SNED1: variants seen among roughly 807,000 people sequenced by gnomAD.
SNED1 encodes sushi, nidogen and EGF like domains 1.
Under a neutral mutation model 166.7 loss-of-function variants are expected in SNED1, and 81 were observed. The ratio of observed to expected loss-of-function variants is 0.49; its 90% confidence interval spans 0.41 to 0.58. The LOEUF (loss-of-function observed/expected upper bound fraction) is 0.58, where lower values mean the gene tolerates loss of function less well. Among genes scored for constraint, SNED1 ranks in the 20% least tolerant of loss-of-function variants. The pLI is 0.00. For missense variants in SNED1, 1,604 were observed against 2,000.2 expected (o/e 0.80, Z 3.78); for synonymous variants, 762 against 822.0 (o/e 0.93, Z 1.25).
chr2:241,037,801 C>T (rs1005922699), intron 6 of SNED1, among the ~76,000 whole-genome samples: 4 of 152,214 alleles, frequency 2.6e-5, no homozygotes, highest in Non-Finnish European at 4.4e-5. Flanking sequence ...CACAGCCACA[C>T]GGTCCCTGCC....
chr2:241,052,264 G>A (rs911485056), intron 14 of SNED1, 91 bp from the exon 15 acceptor site: 559 of 1,418,884 alleles, frequency 3.9e-4, no homozygotes, highest in Non-Finnish European at 4.2e-4. Context: ...AGGCGCAGGA[G>A]GTGGAGCTGG....
intron 30 of SNED1, 59 bp from the exon 31 acceptor site, chr2:241,088,306 G>A (rs980182709): frequency 8.0e-7 from 1 of 1,250,418 alleles, no homozygotes; most frequent in East Asian, 2.3e-5. Context: ...TGAGGTAGCT[G>A]TAGAATTCAA....
At chr2:241,030,594 G>A in intron 2 of SNED1, 23 bp downstream of exon 2, 1 of 1,609,382 alleles carries the variant, frequency 6.2e-7, no homozygotes, top group Non-Finnish European at 8.5e-7. Flanking sequence ...ACTTGTCCTG[G>A]GGAGGGTGGG....
rs2064181761 is a variant in SNED1, at chr2:241,093,486, G to C, written c.*1850G>C. 1 of 114,050 alleles carries C rather than the reference G, an allele frequency of 8.8e-6. No homozygotes were observed. The highest frequency in any genetic ancestry group is 1.6e-5 in the Non-Finnish European group (1 of 60,660). The allele number at this position is 114,050 out of a possible 1,614,324, so 7.1% of individuals were successfully genotyped here. On this transcript the variant is annotated 3_prime_UTR_variant, in exon 32 of 32. Transcript: ENST00000310397. Reference sequence around the variant, plus strand: ...CTTGTGTCAACAAGAACTGGCTCCTGAGTCCCAAGCTTGGTGCCACACAGC... The same window carrying C: ...CTTGTGTCAACAAGAACTGGCTCCTCAGTCCCAAGCTTGGTGCCACACAGC...
chr2:241,089,760 A>G (rs951441293), intron 31 of SNED1, among the ~76,000 whole-genome samples: 3 of 152,246 alleles, frequency 2.0e-5, no homozygotes, highest in East Asian at 1.9e-4. Flanking sequence ...TTGTGAGGCA[A>G]TTTCATCTGG....
At position 241,069,101 on chromosome 2, in the gene SNED1, T is replaced by G; in HGVS notation, c.3307+78T>G. 1.0e-6 allele frequency: 1 copy of G among 999,500 alleles called. No homozygotes were observed. Among genetic ancestry groups the G allele is most frequent in the Non-Finnish European group, 1.5e-6 (1 of 680,172 alleles). The allele number at this position is 999,500 out of a possible 1,614,324, so 61.9% of individuals were successfully genotyped here. A position where few individuals can be genotyped will look rare whatever the true frequency, so the allele number is the denominator to read the frequency against. ...CTGGCTTCCTTCCAGCCTCCCCTAG[T>G]CCTCTCCAAAGCGTCCACAACACCA... On this transcript the variant is annotated intron_variant, in intron 23 of 31. Transcript: ENST00000310397. This position sits in a 1 kb window ranked among gnomAD's most constrained non-coding sequence, Gnocchi z 4.9.
chr2:241,034,002 G>A (rs570485632), intron 3 of SNED1, 127 bp downstream of exon 3: 16 of 1,165,946 alleles, frequency 1.4e-5, no homozygotes, highest in South Asian at 3.4e-5. Context: ...AGAGGCCAAC[G>A]AGAGACATCC....
At position 241,081,535 on chromosome 2, in the gene SNED1, G is replaced by A. The variant is rs771840225; in HGVS notation, c.3917-142G>A. ...GGACCACGCTCTAGGGCCCAGAGGC[G>A]TTTGGGAGGCCACCGCAGCACACCA... On this transcript the variant is annotated intron_variant, in intron 27 of 31. Transcript: ENST00000310397. 30 of 655,560 alleles carry A rather than the reference G, an allele frequency of 4.6e-5. 1 individual carries two copies. The highest frequency in any genetic ancestry group is 4.9e-4 in the Middle Eastern group (2 of 4,056). The allele number at this position is 655,560 out of a possible 1,614,324, so 40.6% of individuals were successfully genotyped here.
At chr2:241,032,510 A>G (rs1350951438) in intron 2 of SNED1, among the ~76,000 whole-genome samples, 5 of 151,956 alleles carry the variant, frequency 3.3e-5, no homozygotes, top group African/African-American at 9.7e-5. Flanking sequence ...GGGGAGGGAT[A>G]GCATTAGGAG....
At chr2:241,057,315 G>A (rs919254214) in intron 16 of SNED1, among the ~76,000 whole-genome samples, 1 of 149,794 alleles carries the variant, frequency 6.7e-6, no homozygotes, top group Non-Finnish European at 1.5e-5. Flanking sequence ...GGAGGCGGAG[G>A]TTGCAATGAG....
At chr2:241,070,321 C>T (rs1416539174) in intron 24 of SNED1, 120 bp downstream of exon 24, 2 of 1,089,444 alleles carry the variant, frequency 1.8e-6, no homozygotes, top group East Asian at 2.6e-5. Context: ...AGAAACAGGA[C>T]CGTGTTAGCA....
At chr2:241,030,903 C>T (rs1284768206) in intron 2 of SNED1, among the ~76,000 whole-genome samples, 1 of 152,246 alleles carries the variant, frequency 6.6e-6, no homozygotes, top group African/African-American at 2.4e-5. Flanking sequence ...TTATACCCTT[C>T]CTTGATAATG....
rs115451331 is a variant in SNED1 at position 241,054,046 on chromosome 2, G to A, written c.2257+720G>A. ...CCCATCCCTGTCCCCCACATGCCCC[G>A]CAAAGCCAAGGCCAACCTGCGTGGT... On this transcript the variant is annotated intron_variant, in intron 16 of 31. Transcript: ENST00000310397. Among the ~76,000 whole-genome samples the A allele has an allele frequency of 2.7e-3, 407 of 152,254 alleles. 4 individuals are homozygous for A. Among genetic ancestry groups the A allele is most frequent in the African/African-American group, 9.0e-3 (376 of 41,554 alleles).
At chr2:241,040,812 G>A (rs2061502762) in intron 8 of SNED1, 1 of 474,868 alleles carries the variant, frequency 2.1e-6, no homozygotes, top group Non-Finnish European at 4.4e-6. Context: ...GCACACAAGG[G>A]AAAGTAACGG....
chr2:241,089,395 G>T, intron 31 of SNED1: 1 of 1,550,486 alleles, frequency 6.4e-7, no homozygotes, highest in Non-Finnish European at 8.7e-7. Flanking sequence ...ATGTCATTCA[G>T]GAACCTTTAA....
At chr2:241,053,951 G>A (rs866998356) in intron 16 of SNED1, among the ~76,000 whole-genome samples, 2 of 152,194 alleles carry the variant, frequency 1.3e-5, no homozygotes, top group African/African-American at 4.8e-5. Context: ...TAGTTTTTAC[G>A]AAGCAAGGAT....
At chr2:241,085,732 T>G (rs2063538504) in intron 29 of SNED1, among the ~76,000 whole-genome samples, 1 of 152,178 alleles carries the variant, frequency 6.6e-6, no homozygotes, top group South Asian at 2.1e-4. Flanking sequence ...TCAAGAATGT[T>G]TTTTCTCTGC....
At chr2:241,082,940 C>G in intron 29 of SNED1, among the ~76,000 whole-genome samples, 1 of 151,894 alleles carries the variant, frequency 6.6e-6, no homozygotes, top group East Asian at 1.9e-4. Flanking sequence ...ATTTAGTCAA[C>G]AGATGACTTA....
intron 25 of SNED1, 29 bp downstream of exon 25, chr2:241,071,749 C>T: frequency 6.5e-7 from 1 of 1,537,802 alleles, no homozygotes; most frequent in South Asian, 1.2e-5. Flanking sequence ...GGCCCCATCG[C>T]CCGAGGCGGC....
Sources: allele counts gnomAD v4.1 joint callset (sites outside exome capture counted in the v4.1 genomes callset), GRCh38; gene constraint gnomAD v4.1.1; non-coding constraint Gnocchi (gnomAD v3.1); transcripts MANE v1.5; gene names NCBI Gene and HGNC (gene_info 2026-07-23, HGNC 2026-07-21).